Variants in VRK3 observed in about 807,000 individuals in gnomAD.
VRK3 encodes the protein VRK serine/threonine kinase 3, also known as serine/threonine-protein kinase VRK3.
Under a neutral mutation model 60.4 loss-of-function variants are expected in VRK3, and 50 were observed. That is an observed-to-expected ratio of 0.83 (90% CI 0.66 to 1.05). The LOEUF (loss-of-function observed/expected upper bound fraction) is 1.05, where lower values mean the gene tolerates loss of function less well. Among genes scored for constraint, VRK3 ranks in the 50% least tolerant of loss-of-function variants. The probability of loss-of-function intolerance (pLI) is 0.00; values close to 1 mark genes in which losing one functional copy is unlikely to be tolerated. For missense variants in VRK3, 549 were observed against 585.3 expected (o/e 0.94, Z 0.64); for synonymous variants, 246 against 227.8 (o/e 1.08, Z -0.72).
chr19:50,003,529 T>C (rs747129422), intron 5 of VRK3, among the ~76,000 whole-genome samples: 6 of 152,220 alleles, frequency 3.9e-5, no homozygotes, highest in Non-Finnish European at 8.8e-5. Context: ...GGTTCTCCCC[T>C]ATAGCTCAGC....
At chr19:49,991,063 A>G (rs913678858) in intron 10 of VRK3, among the ~76,000 whole-genome samples, 4 of 152,132 alleles carry the variant, frequency 2.6e-5, no homozygotes, top group Non-Finnish European at 5.9e-5. Context: ...AAACTGCTGG[A>G]ATTACAGGTG....
At chr19:49,997,246 A>C (rs1177122333) in intron 7 of VRK3, 3 of 338,964 alleles carry the variant, frequency 8.9e-6, no homozygotes, top group East Asian at 5.4e-5. Flanking sequence ...CAGCCTCCCA[A>C]AGTGCTGGGA....
At chr19:50,010,568 C>A (rs780431336) in intron 3 of VRK3, among the ~76,000 whole-genome samples, 1 of 152,222 alleles carries the variant, frequency 6.6e-6, no homozygotes, top group Admixed American at 6.5e-5. Context: ...CCACACAGAT[C>A]AGTGTGAATT....
intron 3 of VRK3, among the ~76,000 whole-genome samples, chr19:50,013,576 C>T (rs984234618): frequency 6.6e-6 from 1 of 152,220 alleles, no homozygotes. Flanking sequence ...GCACAACTGT[C>T]CGATGGATAA....
At chr19:50,024,882 A>C (rs1212163636) in intron 1 of VRK3, 1 of 152,256 alleles carries the variant, frequency 6.6e-6, no homozygotes, top group Non-Finnish European at 1.5e-5. Flanking sequence ...TTCAGGAAAC[A>C]GCACAGCAAA....
intron 5 of VRK3, among the ~76,000 whole-genome samples, chr19:50,003,110 G>A (rs1273554962): frequency 6.6e-6 from 1 of 152,096 alleles, no homozygotes; most frequent in Non-Finnish European, 1.5e-5. Context: ...GCTGTCATTC[G>A]AAAGGTCAAG....
intron 12 of VRK3, among the ~76,000 whole-genome samples, chr19:49,984,466 G>A (rs972829892): frequency 9.9e-5 from 15 of 152,060 alleles, no homozygotes; most frequent in African/African-American, 1.7e-4. Context: ...CCACAGTGCC[G>A]GGCTACCTCC....
At position 49,987,383 on chromosome 19, in the gene VRK3, G is replaced by A. The variant is rs528650853; in HGVS notation, c.1217+989C>T. Among the ~76,000 whole-genome samples, 145 of 152,060 alleles carry A rather than the reference G, an allele frequency of 9.5e-4. 1 individual carries two copies. Among genetic ancestry groups the A allele is most frequent in the African/African-American group, 3.4e-3 (140 of 41,462 alleles). On this transcript the variant is annotated intron_variant, in intron 12 of 14. Coordinates refer to ENST00000316763, the MANE Select transcript of VRK3 (RefSeq NM_016440.4). The stretch of plus-strand genomic sequence containing the variant: ...ACACACACCTTAGTGCCTCCCTTTT[G>A]TGCCCAGCTGCCTGCTGTCCCTAGT...
rs1337106019 is a variant in VRK3, at chr19:49,979,221, T to A, written c.1298A>T (p.Lys433Met). The change falls in exon 14 of 15, where the codon AAG (lysine) becomes ATG (methionine). Residue 433 changes from lysine to methionine, a missense_variant. Lys to Met is a moderately conservative substitution (Grantham distance 95, BLOSUM62 -1). Transcript: ENST00000316763. Reference protein sequence around the residue: ...RPSETLQKYLKVVMALTYEEK... With the variant: ...RPSETLQKYLMVVMALTYEEK... ...CTCATACGTGAGGGCCATCACCACC[T>A]TCAGGTACTTCTGCAGGGTCTCTGT... The A allele has an allele frequency of 1.2e-6, 2 of 1,613,958 alleles. No individual in the cohort carries two copies. The highest frequency in any genetic ancestry group is 2.2e-5 in the South Asian group (2 of 91,062).
intron 12 of VRK3, among the ~76,000 whole-genome samples, chr19:49,985,744 C>T (rs1178776831): frequency 6.6e-6 from 1 of 152,190 alleles, no homozygotes; most frequent in Non-Finnish European, 1.5e-5. Flanking sequence ...GGGCCTAGAA[C>T]AGAGTCTAGC....
At chr19:49,998,567 G>T (rs997561749) in intron 6 of VRK3, 8 of 151,688 alleles carry the variant, frequency 5.3e-5, no homozygotes, top group Non-Finnish European at 1.0e-4. Context: ...ACAGATCTAG[G>T]TTCAAACCCC....
chr19:50,007,377 C>T (rs1429246894), intron 5 of VRK3, among the ~76,000 whole-genome samples, 192 bp downstream of exon 5: 2 of 152,198 alleles, frequency 1.3e-5, no homozygotes, highest in Non-Finnish European at 2.9e-5. Context: ...CTCCAGCCTG[C>T]TGCACTCATT....
intron 5 of VRK3, among the ~76,000 whole-genome samples, chr19:50,004,814 G>A (rs185274963): frequency 6.6e-6 from 1 of 152,000 alleles, no homozygotes; most frequent in Admixed American, 6.6e-5. Flanking sequence ...GGAGGCTGAG[G>A]GGGGAGAATC....
chr19:49,997,805 A>G, intron 6 of VRK3: 1 of 446,434 alleles, frequency 2.2e-6, no homozygotes, highest in Non-Finnish European at 4.0e-6. Flanking sequence ...GTTCCCTAGA[A>G]TGTAGCCTTC....
chr19:49,992,714 T>G, intron 10 of VRK3, 146 bp downstream of exon 10: 1 of 678,918 alleles, frequency 1.5e-6, no homozygotes, highest in Non-Finnish European at 2.4e-6. Context: ...CTAAGTTGCT[T>G]ATCTTATTTA....
At chr19:50,018,287 T>C (rs1454750727) in intron 2 of VRK3, among the ~76,000 whole-genome samples, 1 of 152,242 alleles carries the variant, frequency 6.6e-6, no homozygotes, top group Non-Finnish European at 1.5e-5. Flanking sequence ...TCATGCCTTG[T>C]ACCCAAGTTA....
chr19:49,995,757 CT>C (rs909552103), intron 7 of VRK3, among the ~76,000 whole-genome samples: 2 of 150,846 alleles, frequency 1.3e-5, no homozygotes, highest in African/African-American at 4.9e-5. Context: ...TTTCTTTTTT[CT>C]TTTTTTTTGA....
chr19:50,015,308 T>G (rs1384325555), intron 3 of VRK3, among the ~76,000 whole-genome samples: 1 of 150,560 alleles, frequency 6.6e-6, no homozygotes, highest in African/African-American at 2.5e-5. Flanking sequence ...CTACTGTGGA[T>G]TTCAGATTTT....
chr19:49,984,647 T>C (rs2076482294), intron 12 of VRK3, among the ~76,000 whole-genome samples: 1 of 152,202 alleles, frequency 6.6e-6, no homozygotes, highest in African/African-American at 2.4e-5. Flanking sequence ...CTTTTTCTTT[T>C]TTTGAGACAG....
Sources: gnomAD v4.1 joint callset for allele counts (sites outside exome capture counted in the v4.1 genomes callset) on GRCh38, gnomAD v4.1.1 for gene constraint, MANE v1.5 for transcripts, NCBI Gene and HGNC (gene_info 2026-07-23, HGNC 2026-07-21) for gene names.